The following EXOC4 variants were observed in gnomAD, a reference collection of about 807,000 sequenced individuals.
EXOC4 encodes the protein SEC8-like 1.
EXOC4 carries 71 observed loss-of-function variants against 107.2 expected under a neutral mutation model. The ratio of observed to expected loss-of-function variants is 0.66; its 90% confidence interval spans 0.55 to 0.81. The LOEUF (loss-of-function observed/expected upper bound fraction) is 0.81, where lower values mean the gene tolerates loss of function less well. Ranked by LOEUF, EXOC4 falls within the 30% of genes least tolerant of loss-of-function variation. The pLI, the probability that EXOC4 is intolerant of heterozygous loss-of-function variation, is 0.00. For synonymous variants in EXOC4, 456 were observed against 441.2 expected, an observed-to-expected ratio of 1.03 and a Z score of -0.42; for missense variants, 1,108 against 1,189.6, an observed-to-expected ratio of 0.93 and a Z score of 1.01.
At chr7:133,536,947 G>A (rs544726482) in intron 9 of EXOC4, among the ~76,000 whole-genome samples, 1 of 152,290 alleles carries the variant, frequency 6.6e-6, no homozygotes, top group East Asian at 1.9e-4. Flanking sequence ...TGATTCGCCA[G>A]AACTGTATTA....
At chr7:133,651,945 G>A (rs1367483995) in intron 10 of EXOC4, among the ~76,000 whole-genome samples, 6 of 152,288 alleles carry the variant, frequency 3.9e-5, no homozygotes, top group Admixed American at 3.9e-4. Flanking sequence ...CTCCCAAAGT[G>A]CTGGGATTAC....
chr7:133,512,493 TG>T (rs1022020105), intron 9 of EXOC4, among the ~76,000 whole-genome samples: 1 of 151,702 alleles, frequency 6.6e-6, no homozygotes, highest in Non-Finnish European at 1.5e-5. Context: ...AAATCTTCTC[TG>T]GGGAGGATCT....
intron 11 of EXOC4, among the ~76,000 whole-genome samples, chr7:133,845,361 T>TGTGTGA (rs1798104167): frequency 6.7e-6 from 1 of 149,652 alleles, no homozygotes; most frequent in African/African-American, 2.5e-5. Context: ...TGTGTGTGTG[T>TGTGTGA]GTGTGTGTAA....
At chr7:133,417,269 G>T (rs1233180735) in intron 7 of EXOC4, among the ~76,000 whole-genome samples, 1 of 152,138 alleles carries the variant, frequency 6.6e-6, no homozygotes, top group East Asian at 1.9e-4. Context: ...GCAGGTTCCT[G>T]CCCAGTCAAA....
At chr7:133,928,418 C>T (rs1800099705) in intron 13 of EXOC4, among the ~76,000 whole-genome samples, 1 of 152,210 alleles carries the variant, frequency 6.6e-6, no homozygotes, top group South Asian at 2.1e-4. Flanking sequence ...GATGCCTGTT[C>T]TCTGCTGCAA....
intron 11 of EXOC4, among the ~76,000 whole-genome samples, chr7:133,853,845 C>G (rs1025933642): frequency 6.6e-6 from 1 of 152,186 alleles, no homozygotes; most frequent in East Asian, 1.9e-4. Context: ...CTTGCTGGTT[C>G]CTGTAAGCCG....
chr7:133,687,258 G>A (rs888498735), intron 10 of EXOC4, among the ~76,000 whole-genome samples: 1 of 151,960 alleles, frequency 6.6e-6, no homozygotes, highest in African/African-American at 2.4e-5. Flanking sequence ...CTCGGGAAAG[G>A]GTGGGAGGGG....
chr7:134,050,596 A>G (rs754981754), intron 17 of EXOC4, among the ~76,000 whole-genome samples: 25 of 152,206 alleles, frequency 1.6e-4, no homozygotes, highest in Non-Finnish European at 3.2e-4. Flanking sequence ...CATAGAGGGT[A>G]GAGGATTTAG....
chr7:133,440,655 A>G (rs545728211), intron 7 of EXOC4, among the ~76,000 whole-genome samples: 1 of 152,342 alleles, frequency 6.6e-6, no homozygotes, highest in African/African-American at 2.4e-5. Flanking sequence ...CAAACCCACT[A>G]AAACCAAGAT....
intron 17 of EXOC4, among the ~76,000 whole-genome samples, chr7:134,021,755 G>GGA (rs1179654457): frequency 1.3e-5 from 2 of 150,118 alleles, no homozygotes; most frequent in Admixed American, 6.7e-5. Context: ...AAGTGGAGTA[G>GGA]GAGAGGCCAG....
intron 7 of EXOC4, among the ~76,000 whole-genome samples, chr7:133,413,170 C>T (rs957853092): frequency 2.6e-4 from 39 of 152,170 alleles, no homozygotes; most frequent in South Asian, 1.2e-3. Flanking sequence ...AGACCTATTT[C>T]GGAATGATTT....
intron 10 of EXOC4, among the ~76,000 whole-genome samples, chr7:133,712,439 CAAAAAAAAAAAAAA>C (rs58629398): frequency 4.3e-4 from 13 of 30,226 alleles, no homozygotes; most frequent in East Asian, 1.2e-3. Context: ...AACTCTGTCT[CAAAAAAAAAAAAAA>C]AAAAAAAAAA....
At chr7:133,562,505 C>G (rs1397103332) in intron 9 of EXOC4, among the ~76,000 whole-genome samples, 1 of 152,216 alleles carries the variant, frequency 6.6e-6, no homozygotes, top group Non-Finnish European at 1.5e-5. Context: ...CTCATTGCTT[C>G]AGCAGTTATG....
chr7:133,721,647 G>A (rs1416468145), intron 10 of EXOC4, among the ~76,000 whole-genome samples: 1 of 152,162 alleles, frequency 6.6e-6, no homozygotes, highest in African/African-American at 2.4e-5. Context: ...TAAATCAGGC[G>A]TCTCTTTTCA....
At chr7:133,770,840 G>T (rs2151162251) in intron 10 of EXOC4, among the ~76,000 whole-genome samples, 1 of 151,994 alleles carries the variant, frequency 6.6e-6, no homozygotes, top group Non-Finnish European at 1.5e-5. Context: ...GTTTGATTAT[G>T]AGGTGCTACC....
At chr7:133,347,956 A>G (rs1305171846) in intron 5 of EXOC4, among the ~76,000 whole-genome samples, 1 of 152,226 alleles carries the variant, frequency 6.6e-6, no homozygotes, top group African/African-American at 2.4e-5. Flanking sequence ...AGTATTTCTA[A>G]TTTTAAAGTG....
chr7:133,780,549 C>T (rs189780793), intron 10 of EXOC4, among the ~76,000 whole-genome samples: 106 of 152,156 alleles, frequency 7.0e-4, no homozygotes, highest in African/African-American at 2.5e-3. Context: ...TAATAACTTT[C>T]CCAAATTCAC....
Position 133,514,121 on chromosome 7 carries a change from A to G in EXOC4, c.1417+33983A>G, listed in dbSNP as rs142380388. Among the ~76,000 whole-genome samples, 93 of 151,848 alleles carry G rather than the reference A, an allele frequency of 6.1e-4. 1 individual carries two copies. In the East Asian group the frequency reaches 0.015, roughly 25 times the overall value. On this transcript the variant is annotated intron_variant, in intron 9 of 17. Transcript: ENST00000253861. The stretch of plus-strand genomic sequence containing the variant: ...TTATTTCTATTGTGTAATCAATTTG[A>G]TTAATTTAGTTCTAATATCCATCTT...
At chr7:133,913,074 G>A (rs1370411272) in intron 12 of EXOC4, among the ~76,000 whole-genome samples, 4 of 152,138 alleles carry the variant, frequency 2.6e-5, no homozygotes, top group Non-Finnish European at 4.4e-5. Flanking sequence ...CAAGGAGGAT[G>A]AGAAAAAGGC....
Sources: gnomAD v4.1 joint callset for allele counts (sites outside exome capture counted in the v4.1 genomes callset) on GRCh38, gnomAD v4.1.1 for gene constraint, MANE v1.5 for transcripts, NCBI Gene and HGNC (gene_info 2026-07-23, HGNC 2026-07-21) for gene names.